Variants in SARNP observed in about 807,000 individuals in gnomAD.
The protein encoded by SARNP is SAP domain-containing ribonucleoprotein.
In SARNP, 5 loss-of-function variants were observed where a neutral mutation model predicts 38.1. The ratio of observed to expected loss-of-function variants is 0.13; its 90% CI spans 0.07 to 0.28. SARNP has a LOEUF of 0.28. Among genes scored for constraint, SARNP ranks in the 10% least tolerant of loss-of-function variants. The pLI is 1.00. For synonymous variants in SARNP, 84 were observed against 80.6 expected (o/e 1.04, Z -0.23); for missense variants, 180 against 243.9 (o/e 0.74, Z 1.75).
intron 7 of SARNP, chr12:55,792,535 C>CTTTTTTTTTTTT (rs71074859): frequency 2.8e-4 from 29 of 103,180 alleles, no homozygotes; most frequent in Non-Finnish European, 4.1e-4. Context: ...CCACACCCAG[C>CTTTTTTTTTTTT]TTTTTTTTTT....
intron 4 of SARNP, among the ~76,000 whole-genome samples, chr12:55,797,897 C>A (rs898579799): frequency 1.2e-4 from 18 of 152,136 alleles, no homozygotes; most frequent in Admixed American, 1.2e-3. Flanking sequence ...ATCACCCCAC[C>A]CACTTCAATT....
intron 9 of SARNP, among the ~76,000 whole-genome samples, chr12:55,767,764 G>T (rs1262010682): frequency 6.8e-6 from 1 of 148,040 alleles, no homozygotes; most frequent in Non-Finnish European, 1.5e-5. Context: ...GGAGAATGGT[G>T]TGAACCCGGG....
At chr12:55,794,725 C>T in intron 6 of SARNP, 82 bp downstream of exon 6, 1 of 861,136 alleles carries the variant, frequency 1.2e-6, no homozygotes, top group Non-Finnish European at 1.9e-6. Flanking sequence ...TTAAAATCAA[C>T]AATTATACCT....
At chr12:55,778,104 TA>T (rs1211041123) in intron 9 of SARNP, among the ~76,000 whole-genome samples, 1 of 152,164 alleles carries the variant, frequency 6.6e-6, no homozygotes, top group Non-Finnish European at 1.5e-5. Flanking sequence ...GATGATGGAA[TA>T]AACTGAGGTC....
intron 1 of SARNP, among the ~76,000 whole-genome samples, chr12:55,809,299 C>A (rs1343274135): frequency 1.3e-5 from 2 of 151,908 alleles, no homozygotes; most frequent in Non-Finnish European, 2.9e-5. Flanking sequence ...AAAAAATTAG[C>A]CGAGCATAGT....
chr12:55,772,170 C>G (rs1879027495), intron 9 of SARNP, among the ~76,000 whole-genome samples: 1 of 152,254 alleles, frequency 6.6e-6, no homozygotes, highest in East Asian at 1.9e-4. Context: ...AGTACACCGC[C>G]TTAGCAAATA....
intron 8 of SARNP, among the ~76,000 whole-genome samples, chr12:55,790,139 T>C (rs1565678227): frequency 6.6e-6 from 1 of 151,658 alleles, no homozygotes; most frequent in Non-Finnish European, 1.5e-5. Context: ...CTACCATTCT[T>C]TACTCTGATT....
intron 1 of SARNP, 117 bp from the exon 2 acceptor site, chr12:55,803,845 C>T: frequency 1.6e-6 from 1 of 638,646 alleles, no homozygotes; most frequent in South Asian, 2.0e-5. Context: ...CAAATTACTG[C>T]CCTTAATTCT....
chr12:55,808,367 G>C (rs894713080), intron 1 of SARNP, among the ~76,000 whole-genome samples: 1 of 151,550 alleles, frequency 6.6e-6, no homozygotes, highest in Non-Finnish European at 1.5e-5. Context: ...TGCCCAGGCT[G>C]GAGTGCAATG....
At chr12:55,768,264 T>C (rs1375240400) in intron 9 of SARNP, among the ~76,000 whole-genome samples, 1 of 151,628 alleles carries the variant, frequency 6.6e-6, no homozygotes, top group African/African-American at 2.4e-5. Flanking sequence ...TAGCTGGGAT[T>C]ACAGGTGCCT....
chr12:55,807,768 C>G (rs1161057724), intron 1 of SARNP, among the ~76,000 whole-genome samples: 4 of 149,156 alleles, frequency 2.7e-5, no homozygotes, highest in Admixed American at 1.3e-4. Context: ...GAGCCGAGAT[C>G]GTGCCACTGT....
chr12:55,812,069 G>C (rs1880343935), intron 1 of SARNP, among the ~76,000 whole-genome samples: 1 of 152,152 alleles, frequency 6.6e-6, no homozygotes, highest in Admixed American at 6.5e-5. Flanking sequence ...CTCACTAAGG[G>C]TAAAAGGCTG....
intron 9 of SARNP, among the ~76,000 whole-genome samples, chr12:55,764,095 G>A (rs973349655): frequency 4.6e-5 from 7 of 152,266 alleles, no homozygotes; most frequent in Middle Eastern, 3.4e-3. Flanking sequence ...TTCTTCTAAC[G>A]TACCATATAC....
In SARNP at chr12:55,758,804, T is replaced by C. The variant is rs548986071; in HGVS notation, c.592-1251A>G. 5.3e-5 allele frequency among the ~76,000 whole-genome samples: 8 copies of C among 151,990 alleles called. No homozygotes were observed. In the South Asian group the frequency reaches 1.0e-3, roughly 20 times the overall value. ...GCAGATGCCAGCACCATGCTTCCCATAAAGCCTGCAGAAATGTAAGCCAAT... is the reference window on the plus strand; with the variant it reads ...GCAGATGCCAGCACCATGCTTCCCACAAAGCCTGCAGAAATGTAAGCCAAT... On this transcript the variant is annotated intron_variant, in intron 10 of 10. Coordinates refer to ENST00000336133, the MANE Select transcript of SARNP (RefSeq NM_033082.4).
At chr12:55,801,542 G>A (rs1879979773) in intron 2 of SARNP, among the ~76,000 whole-genome samples, 2 of 152,072 alleles carry the variant, frequency 1.3e-5, no homozygotes, top group African/African-American at 4.8e-5. Flanking sequence ...AAAAGTAAGA[G>A]GTGAAAAATT....
At chr12:55,752,890 C>T (rs1397920987), downstream of SARNP, 1 of 152,166 alleles carries the variant, frequency 6.6e-6, no homozygotes, top group African/African-American at 2.4e-5. Context: ...CAGTGCTGAG[C>T]TCTTCTCCCT....
intron 4 of SARNP, among the ~76,000 whole-genome samples, chr12:55,797,116 G>A (rs1565680370): frequency 6.6e-6 from 1 of 152,194 alleles, no homozygotes; most frequent in African/African-American, 2.4e-5. Context: ...AGAGACATGG[G>A]CAGCTTTTGT....
chr12:55,808,971 T>C (rs1256887143), intron 1 of SARNP, among the ~76,000 whole-genome samples: 3 of 152,120 alleles, frequency 2.0e-5, no homozygotes, highest in Non-Finnish European at 2.9e-5. Context: ...TTTGGGAGGC[T>C]AGAGGTGGGC....
intron 1 of SARNP, among the ~76,000 whole-genome samples, chr12:55,807,163 C>T (rs1290854232): frequency 2.0e-5 from 3 of 152,066 alleles, no homozygotes; most frequent in Non-Finnish European, 2.9e-5. Context: ...GCAATACTTT[C>T]GCAATAACAA....
Sources: allele counts gnomAD v4.1 joint callset (sites outside exome capture counted in the v4.1 genomes callset), GRCh38; gene constraint gnomAD v4.1.1; transcripts MANE v1.5; gene names NCBI Gene and HGNC (gene_info 2026-07-23, HGNC 2026-07-21).